The following MECOM variants were observed in gnomAD, a reference collection of about 807,000 sequenced individuals.
MECOM encodes the protein MDS1 and EVI1 complex locus.
A neutral mutation model predicts 116.3 loss-of-function variants in MECOM; 13 were observed. That is an observed-to-expected ratio of 0.11 (90% CI 0.07 to 0.18). MECOM has a LOEUF of 0.18. MECOM is among the 10% of genes least tolerant of loss of function. The pLI, the probability that MECOM is intolerant of heterozygous loss-of-function variation, is 1.00. For synonymous variants in MECOM, 528 were observed against 535.2 expected, an observed-to-expected ratio of 0.99 and a Z score of 0.19; for missense variants, 1,299 against 1,509.0, an observed-to-expected ratio of 0.86 and a Z score of 2.31.
chr3:169,552,655 A>G (rs570594851), intron 1 of MECOM, among the ~76,000 whole-genome samples: 1 of 152,198 alleles, frequency 6.6e-6, no homozygotes, highest in Admixed American at 6.5e-5. Context: ...ACTCTTAACC[A>G]CCATTCAATC....
At chr3:169,503,813 G>A (rs1754850143) in intron 1 of MECOM, among the ~76,000 whole-genome samples, 1 of 151,966 alleles carries the variant, frequency 6.6e-6, no homozygotes, top group Non-Finnish European at 1.5e-5. Flanking sequence ...TTAGTTCATG[G>A]GCAAAGTATA....
intron 1 of MECOM, among the ~76,000 whole-genome samples, chr3:169,530,169 T>TCC (rs1758434271): frequency 6.6e-6 from 1 of 152,098 alleles, no homozygotes. Context: ...AGGAGGGCTT[T>TCC]CTAAGAAGGG....
chr3:169,557,789 G>C (rs537277604), intron 1 of MECOM, among the ~76,000 whole-genome samples: 11 of 152,266 alleles, frequency 7.2e-5, no homozygotes, highest in African/African-American at 2.4e-4. Context: ...AACCTAGTTG[G>C]TTGGACCAAA....
At chr3:169,439,105 A>C (rs902656822) in intron 1 of MECOM, among the ~76,000 whole-genome samples, 3 of 148,130 alleles carry the variant, frequency 2.0e-5, no homozygotes, top group Non-Finnish European at 4.5e-5. Context: ...AGTATCCAGA[A>C]TATTAATATT....
At position 169,102,120 on chromosome 3, in the gene MECOM, G is replaced by T; in HGVS notation, c.2711C>A (p.Ala904Glu). 6.2e-7 allele frequency: 1 copy of T among 1,613,744 alleles called. No homozygotes were observed. Among genetic ancestry groups the T allele is most frequent in the East Asian group, 2.2e-5 (1 of 44,860 alleles). ...QSVPSMFNFR[A>E]PPNALPENLL... Reference sequence around the variant, plus strand: ...GTTCTCTGGCAGGGCATTGGGAGGCGCCCTGAAGTTGAACATAGAGGGCAC... The same window carrying T: ...GTTCTCTGGCAGGGCATTGGGAGGCTCCCTGAAGTTGAACATAGAGGGCAC... The change falls in exon 11 of 17, where the codon GCG becomes GAG. Residue 904 changes from alanine (A) to glutamate (E), a missense_variant. Physicochemically the swap from Ala to Glu is moderately radical, Grantham distance 107. Coordinates refer to ENST00000651503, the MANE Select transcript of MECOM (RefSeq NM_004991.4).
At chr3:169,227,757 C>T (rs1364734952) in intron 2 of MECOM, among the ~76,000 whole-genome samples, 1 of 152,004 alleles carries the variant, frequency 6.6e-6, no homozygotes, top group Non-Finnish European at 1.5e-5. Context: ...AAAAAGGAAA[C>T]AAGATTAGAA....
In MECOM at chr3:169,153,923, A is replaced by G. The variant is rs935666566; in HGVS notation, c.376-10091T>C. On this transcript the variant is annotated intron_variant, in intron 2 of 16. Coordinates refer to ENST00000651503, the MANE Select transcript of MECOM (RefSeq NM_004991.4). Reference sequence around the variant, plus strand: ...TACAGTAAACTTACATACATGCACAATGAGGAAGATAGTCTGGCCTATACT... The same window carrying G: ...TACAGTAAACTTACATACATGCACAGTGAGGAAGATAGTCTGGCCTATACT... 5.3e-5 allele frequency among the ~76,000 whole-genome samples: 8 copies of G among 152,214 alleles called. No individual in the cohort carries two copies. In the East Asian group the frequency reaches 5.8e-4, roughly 11 times the overall value.
chr3:169,154,241 C>T (rs1741612111), intron 2 of MECOM, among the ~76,000 whole-genome samples: 1 of 152,082 alleles, frequency 6.6e-6, no homozygotes, highest in South Asian at 2.1e-4. Context: ...CACACACACA[C>T]ATCTTGGACT....
At chr3:169,662,785 C>A (rs1776478093) in intron 1 of MECOM, among the ~76,000 whole-genome samples, 1 of 152,062 alleles carries the variant, frequency 6.6e-6, no homozygotes, top group Non-Finnish European at 1.5e-5. Context: ...CGCCCGCCGC[C>A]GCCGCCACTG....
chr3:169,160,329 A>G (rs185032854), intron 2 of MECOM, among the ~76,000 whole-genome samples: 167 of 152,096 alleles, frequency 1.1e-3, no homozygotes, highest in African/African-American at 4.0e-3. Flanking sequence ...GAAAAATAAG[A>G]ATCTTCAAAA....
Position 169,446,987 on chromosome 3 carries a change from T to A in MECOM, c.38-65463A>T, listed in dbSNP as rs541217860. Reference sequence around the variant, plus strand: ...TCAGTTATTTTTTTCAGTATAATTTTGTCAACAAATAAATACTTACAGGTC... The same window carrying A: ...TCAGTTATTTTTTTCAGTATAATTTAGTCAACAAATAAATACTTACAGGTC... On this transcript the variant is annotated intron_variant, in intron 1 of 16. Transcript: ENST00000651503. 2.7e-4 allele frequency among the ~76,000 whole-genome samples: 41 copies of A among 152,336 alleles called. No individual in the cohort carries two copies. The East Asian group carries it at 7.3e-3, about 27-fold the overall frequency.
intron 2 of MECOM, among the ~76,000 whole-genome samples, chr3:169,301,114 T>A (rs919896459): frequency 1.3e-5 from 2 of 152,224 alleles, no homozygotes; most frequent in African/African-American, 2.4e-5. Context: ...TAATTAAATA[T>A]CGGCGCGATT....
At chr3:169,601,281 G>A (rs752600300) in intron 1 of MECOM, among the ~76,000 whole-genome samples, 1 of 152,160 alleles carries the variant, frequency 6.6e-6, no homozygotes, top group South Asian at 2.1e-4. Context: ...GTAGGTTAAG[G>A]CTTAAAAATC....
At chr3:169,311,126 T>A (rs1157319545) in intron 2 of MECOM, among the ~76,000 whole-genome samples, 6 of 152,226 alleles carry the variant, frequency 3.9e-5, no homozygotes, top group African/African-American at 4.8e-5. Flanking sequence ...AGTATTGAGT[T>A]CTTGGGCATG....
At chr3:169,375,073 T>C (rs910582946) in intron 2 of MECOM, among the ~76,000 whole-genome samples, 10 of 151,806 alleles carry the variant, frequency 6.6e-5, no homozygotes, top group Admixed American at 1.3e-4. Flanking sequence ...ATAGATGATA[T>C]TATGGAAGAA....
At chr3:169,330,048 T>G (rs1475782178) in intron 2 of MECOM, among the ~76,000 whole-genome samples, 1 of 151,934 alleles carries the variant, frequency 6.6e-6, no homozygotes, top group African/African-American at 2.4e-5. Flanking sequence ...TTTTTTTAGG[T>G]GGGGTTTCTC....
chr3:169,218,022 A>T (rs894766609), intron 2 of MECOM, among the ~76,000 whole-genome samples: 1 of 151,880 alleles, frequency 6.6e-6, no homozygotes, highest in South Asian at 2.1e-4. Context: ...CTATAGTGAA[A>T]TTAATGCTTA....
At chr3:169,306,465 T>C (rs949626955) in intron 2 of MECOM, among the ~76,000 whole-genome samples, 1 of 152,210 alleles carries the variant, frequency 6.6e-6, no homozygotes, top group Non-Finnish European at 1.5e-5. Context: ...ACGGATCACC[T>C]GAGGTCAGGA....
At chr3:169,416,489 T>C (rs1738612214) in intron 1 of MECOM, among the ~76,000 whole-genome samples, 1 of 151,428 alleles carries the variant, frequency 6.6e-6, no homozygotes, top group Non-Finnish European at 1.5e-5. Context: ...AGCAAACAAA[T>C]TCAACAGCTA....
Sources: gnomAD v4.1 joint callset for allele counts (sites outside exome capture counted in the v4.1 genomes callset) on GRCh38, gnomAD v4.1.1 for gene constraint, MANE v1.5 for transcripts, NCBI Gene and HGNC (gene_info 2026-07-23, HGNC 2026-07-21) for gene names.